PTGS1: variants seen among roughly 807,000 people sequenced by gnomAD.
PTGS1 encodes the protein prostaglandin-endoperoxide synthase 1, also known as prostaglandin G/H synthase 1.
In PTGS1, 40 loss-of-function variants were observed where a neutral mutation model predicts 63.0. That is an observed-to-expected ratio of 0.63 (90% CI 0.49 to 0.83). The LOEUF is 0.83. PTGS1 is among the 40% of genes least tolerant of loss of function. The probability of loss-of-function intolerance (pLI) is 0.00; values close to 1 mark genes in which losing one functional copy is unlikely to be tolerated. For synonymous variants in PTGS1, 298 were observed against 301.9 expected (o/e 0.99, Z 0.13); for missense variants, 709 against 786.5 (o/e 0.90, Z 1.18).
At chr9:122,371,593 A>G in intron 2 of PTGS1, 1 of 1,429,682 alleles carries the variant, frequency 7.0e-7, no homozygotes, top group Non-Finnish European at 9.1e-7. Flanking sequence ...TGCACCCAAC[A>G]ACCCCGCTGT....
Position 122,394,923 on chromosome 9 carries a change from C to G in PTGS1, c.*2379C>G, listed in dbSNP as rs1026151791. On this transcript the variant is annotated 3_prime_UTR_variant, in exon 11 of 11. Coordinates refer to ENST00000362012, the MANE Select transcript of PTGS1 (RefSeq NM_000962.4). ...TTTGTGTCTGTTGCTTGTAATCAAGCCTTTATGGCTGCTGGGCTGAGTGAC... is the reference window on the plus strand; with the variant it reads ...TTTGTGTCTGTTGCTTGTAATCAAGGCTTTATGGCTGCTGGGCTGAGTGAC... The G allele has an allele frequency of 6.6e-6, 1 of 152,206 alleles. No homozygotes were observed. The highest frequency in any genetic ancestry group is 1.5e-5 in the Non-Finnish European group (1 of 68,054). The allele number at this position is 152,206 out of a possible 1,614,324, so 9.4% of individuals were successfully genotyped here. A position where few individuals can be genotyped will look rare whatever the true frequency, so the allele number is the denominator to read the frequency against.
At chr9:122,390,713 C>T (rs10306178) in intron 10 of PTGS1, among the ~76,000 whole-genome samples, 2,186 of 152,014 alleles carry the variant, frequency 0.014, 46 homozygotes, top group African/African-American at 0.05. Context: ...CTGGCTAACA[C>T]GATGAAACCC....
rs1236925066 is a variant in PTGS1 at position 122,393,150 on chromosome 9, C to G, written c.*606C>G. 6.5e-6 allele frequency: 1 copy of G among 152,822 alleles called. No individual in the cohort carries two copies. Among genetic ancestry groups the G allele is most frequent in the Non-Finnish European group, 1.5e-5 (1 of 68,546 alleles). 9.5% of individuals were successfully genotyped at this position (152,822 alleles called of 1,614,324 possible). On this transcript the variant is annotated 3_prime_UTR_variant, in exon 11 of 11. Coordinates refer to ENST00000362012, the MANE Select transcript of PTGS1 (RefSeq NM_000962.4). ...AGGAAGTGGGGTGTTCTTCTTGGGA[C>G]CCCCACTAAGACCCTGGTCTGAGGA...
At chr9:122,390,056 A>G (rs1398472065) in intron 9 of PTGS1, 142 bp from the exon 10 acceptor site, 2 of 961,616 alleles carry the variant, frequency 2.1e-6, no homozygotes, top group East Asian at 2.8e-5. Flanking sequence ...GGTCTGCAGC[A>G]TCACAACTGC....
At chr9:122,386,355 C>A in intron 8 of PTGS1, 91 bp from the exon 9 acceptor site, 1 of 1,375,176 alleles carries the variant, frequency 7.3e-7, no homozygotes, top group Non-Finnish European at 1.0e-6. Flanking sequence ...AGACCAAAAG[C>A]AAGCACCTCT....
At chr9:122,381,774 G>A (rs1837543504) in intron 7 of PTGS1, 27 bp downstream of exon 7, 1 of 1,599,876 alleles carries the variant, frequency 6.3e-7, no homozygotes, top group Non-Finnish European at 8.6e-7. Flanking sequence ...GGGTAGGGCA[G>A]AGGGAGGGGT....
intron 2 of PTGS1, among the ~76,000 whole-genome samples, chr9:122,376,304 G>A (rs1837151136): frequency 6.6e-6 from 1 of 151,296 alleles, no homozygotes; most frequent in Non-Finnish European, 1.5e-5. Context: ...AGTTGCCAGG[G>A]CTTAAGCAAA....
intron 5 of PTGS1, among the ~76,000 whole-genome samples, chr9:122,380,588 GC>G: frequency 6.6e-6 from 1 of 152,184 alleles, no homozygotes; most frequent in African/African-American, 2.4e-5. Context: ...TTGGAACACA[GC>G]CACACACATT....
intron 8 of PTGS1, among the ~76,000 whole-genome samples, chr9:122,385,255 G>A (rs1156369807): frequency 6.6e-6 from 1 of 152,170 alleles, no homozygotes; most frequent in African/African-American, 2.4e-5. Context: ...ACAGCGCCTG[G>A]CCGCACTGAT....
chr9:122,392,831 G>C lies in PTGS1; in HGVS notation c.*287G>C. On this transcript the variant is annotated 3_prime_UTR_variant, in exon 11 of 11. Transcript: ENST00000362012. ...TGACAACCTAGAATGTCAGATTTCT[G>C]GTTGATTTGTAACACAGTCATTCTA... 3.1e-6 allele frequency: 1 copy of C among 326,506 alleles called. No individual in the cohort carries two copies. The highest frequency in any genetic ancestry group is 5.6e-6 in the Non-Finnish European group (1 of 177,478). The allele number at this position is 326,506 out of a possible 1,614,324, so 20.2% of individuals were successfully genotyped here. A position where few individuals can be genotyped will look rare whatever the true frequency, so the allele number is the denominator to read the frequency against.
At position 122,378,422 on chromosome 9, in the gene PTGS1, T is replaced by G; in HGVS notation, c.212-11T>G. The G allele has an allele frequency of 6.2e-7, 1 of 1,613,044 alleles. No homozygotes were observed. ...GAGGGACCAACTGAGTGACTGCCAT[T>G]GCCCCTGCAGCTGGCCTGTGGACCT... On this transcript the variant is annotated splice_polypyrimidine_tract_variant and intron_variant, in intron 3 of 10. Coordinates refer to ENST00000362012, the MANE Select transcript of PTGS1 (RefSeq NM_000962.4).
At chr9:122,388,908 C>T (rs188302369) in intron 9 of PTGS1, among the ~76,000 whole-genome samples, 55 of 152,282 alleles carry the variant, frequency 3.6e-4, no homozygotes, top group Non-Finnish European at 6.2e-4. Flanking sequence ...GATGCATTCA[C>T]GGATGCAGAG....
rs201924151 is a variant in PTGS1 at position 122,371,250 on chromosome 9, G to A, written c.72G>A (p.Ala24=). ...LLLPPLPVLL[A]DPGAPTPVNP... ...TCCCGCCGCTCCCCGTCCTGCTCGCGGACCCAGGGGCGCCCACGCCAGGTA... is the reference window on the plus strand; with the variant it reads ...TCCCGCCGCTCCCCGTCCTGCTCGCAGACCCAGGGGCGCCCACGCCAGGTA... Residue 24 remains alanine, a synonymous_variant, in exon 2 of 11, where the codon GCG becomes GCA. Coordinates refer to ENST00000362012, the MANE Select transcript of PTGS1 (RefSeq NM_000962.4). 1.1e-5 allele frequency: 17 copies of A among 1,606,368 alleles called. 1 individual carries two copies. In the East Asian group the frequency reaches 3.1e-4, roughly 29 times the overall value.
intron 7 of PTGS1, among the ~76,000 whole-genome samples, chr9:122,382,120 A>G (rs1837566114): frequency 6.6e-6 from 1 of 152,194 alleles, no homozygotes; most frequent in South Asian, 2.1e-4. Flanking sequence ...CCACAGGCAA[A>G]CTCTAGGATG....
intron 1 of PTGS1, 23 bp downstream of exon 1, chr9:122,371,114 G>C (rs201501574): frequency 1.9e-5 from 31 of 1,604,660 alleles, no homozygotes; most frequent in Non-Finnish European, 2.5e-5. Flanking sequence ...CCGGTGCCCG[G>C]TGGGGAATTT....
intron 10 of PTGS1, among the ~76,000 whole-genome samples, chr9:122,391,347 CT>C (rs1401551091): frequency 2.7e-5 from 3 of 109,564 alleles, no homozygotes; most frequent in African/African-American, 1.1e-4. Flanking sequence ...TATATATATA[CT>C]ATATATATAC....
chr9:122,383,895 C>T, intron 8 of PTGS1, 140 bp downstream of exon 8: 1 of 1,156,566 alleles, frequency 8.6e-7, no homozygotes, highest in South Asian at 1.6e-5. Context: ...CTTGAGCAGG[C>T]CCCTCAACCT....
At chr9:122,375,538 C>A in intron 2 of PTGS1, 1 of 943,106 alleles carries the variant, frequency 1.1e-6, no homozygotes, top group Non-Finnish European at 1.3e-6. Flanking sequence ...TAAGCCCCAA[C>A]TGTGTGCATA....
chr9:122,378,148 C>T, intron 3 of PTGS1, 133 bp downstream of exon 3: 1 of 958,468 alleles, frequency 1.0e-6, no homozygotes, highest in South Asian at 1.5e-5. Flanking sequence ...TGGTTCTGCC[C>T]CTCTCCCTGA....
Sources: gnomAD v4.1 joint callset for allele counts (sites outside exome capture counted in the v4.1 genomes callset) on GRCh38, gnomAD v4.1.1 for gene constraint, MANE v1.5 for transcripts, NCBI Gene and HGNC (gene_info 2026-07-23, HGNC 2026-07-21) for gene names.